The following MOSMO variants were observed in gnomAD, a reference collection of about 807,000 sequenced individuals.
MOSMO encodes the protein modulator of smoothened, also known as modulator of smoothened protein.
Under a neutral mutation model 18.4 loss-of-function variants are expected in MOSMO, and 5 were observed. That is an observed-to-expected ratio of 0.27 (90% confidence interval 0.14 to 0.57). The LOEUF (loss-of-function observed/expected upper bound fraction) is 0.57, where lower values mean the gene tolerates loss of function less well. MOSMO is among the 20% of genes least tolerant of loss of function. The pLI is 0.92. For synonymous variants in MOSMO, 82 were observed against 82.3 expected (o/e 1.00, Z 0.02); for missense variants, 138 against 211.8 (o/e 0.65, Z 2.16).
intron 1 of MOSMO, among the ~76,000 whole-genome samples, chr16:22,041,739 T>C (rs890688963): frequency 2.6e-5 from 4 of 152,054 alleles, no homozygotes; most frequent in African/African-American, 9.7e-5. Context: ...GGGCAGTTGC[T>C]CAGTCATGGC....
At chr16:22,060,711 A>G (rs1900625937) in intron 1 of MOSMO, among the ~76,000 whole-genome samples, 1 of 152,128 alleles carries the variant, frequency 6.6e-6, no homozygotes, top group Non-Finnish European at 1.5e-5. Flanking sequence ...CATCTCTACT[A>G]AAAATACAAA....
At chr16:22,012,021 G>A (rs1899542247) in intron 1 of MOSMO, among the ~76,000 whole-genome samples, 1 of 151,788 alleles carries the variant, frequency 6.6e-6, no homozygotes, top group South Asian at 2.1e-4. Flanking sequence ...AGTGGTGACA[G>A]GTCTAGCTTA....
At chr16:22,014,941 G>A (rs1597994337) in intron 1 of MOSMO, among the ~76,000 whole-genome samples, 1 of 152,012 alleles carries the variant, frequency 6.6e-6, no homozygotes, top group Non-Finnish European at 1.5e-5. Flanking sequence ...GCTTTATTGA[G>A]ATGTAATTCA....
intron 1 of MOSMO, among the ~76,000 whole-genome samples, chr16:22,071,645 A>G (rs1373932393): frequency 6.6e-6 from 1 of 152,190 alleles, no homozygotes; most frequent in East Asian, 1.9e-4. Flanking sequence ...GTTATGCTGC[A>G]CAGGTGAGAT....
intron 1 of MOSMO, among the ~76,000 whole-genome samples, chr16:22,058,506 T>A (rs1333148508): frequency 6.6e-6 from 1 of 151,996 alleles, no homozygotes; most frequent in Non-Finnish European, 1.5e-5. Context: ...AAATGAGTGC[T>A]GAGAATTTAC....
At chr16:22,028,509 T>C (rs1028165846) in intron 1 of MOSMO, among the ~76,000 whole-genome samples, 3 of 152,104 alleles carry the variant, frequency 2.0e-5, no homozygotes, top group Admixed American at 6.5e-5. Flanking sequence ...GCTCTTTTCA[T>C]CTTGCAAAAC....
At chr16:22,066,345 G>A (rs562372641) in intron 1 of MOSMO, among the ~76,000 whole-genome samples, 73 of 152,266 alleles carry the variant, frequency 4.8e-4, no homozygotes, top group Non-Finnish European at 8.5e-4. Flanking sequence ...AGACTGACAG[G>A]CAAACATAAA....
chr16:22,052,380 G>A (rs1226565098), intron 1 of MOSMO, among the ~76,000 whole-genome samples: 1 of 152,206 alleles, frequency 6.6e-6, no homozygotes, highest in Non-Finnish European at 1.5e-5. Flanking sequence ...AATATGTAGA[G>A]CAAGTGGGAC....
intron 1 of MOSMO, among the ~76,000 whole-genome samples, chr16:22,047,511 T>C (rs538794128): frequency 7.9e-5 from 12 of 152,282 alleles, no homozygotes; most frequent in Non-Finnish European, 1.5e-4. Context: ...CCCAAAGTGC[T>C]GGGATTACAG....
chr16:22,050,441 C>T (rs1415835467), intron 1 of MOSMO, among the ~76,000 whole-genome samples: 1 of 152,162 alleles, frequency 6.6e-6, no homozygotes, highest in East Asian at 1.9e-4. Flanking sequence ...CTCCATCTCC[C>T]AGGGACATTT....
chr16:22,057,072 TGAA>T (rs1900552236), intron 1 of MOSMO, among the ~76,000 whole-genome samples: 1 of 152,156 alleles, frequency 6.6e-6, no homozygotes. Context: ...TTCCTTAAAA[TGAA>T]GAATTATCGA....
intron 1 of MOSMO, among the ~76,000 whole-genome samples, chr16:22,056,348 CCCT>C (rs1900533218): frequency 6.8e-6 from 1 of 147,894 alleles, no homozygotes; most frequent in African/African-American, 2.5e-5. Flanking sequence ...TTCCTTTTCT[CCCT>C]CCTTTCTTTC....
intron 1 of MOSMO, among the ~76,000 whole-genome samples, chr16:22,009,836 A>AAAAAAAAAAAAAAG (rs1899485456): frequency 8.2e-6 from 1 of 121,340 alleles, no homozygotes; most frequent in African/African-American, 2.9e-5. Flanking sequence ...AAAAAAAAAA[A>AAAAAAAAAAAAAAG]AGAGAATTAG....
intron 1 of MOSMO, among the ~76,000 whole-genome samples, chr16:22,045,310 T>C (rs1171074190): frequency 6.6e-6 from 1 of 152,192 alleles, no homozygotes; most frequent in Non-Finnish European, 1.5e-5. Context: ...AGTTTGGGTA[T>C]TTTAGAAAAA....
intron 1 of MOSMO, among the ~76,000 whole-genome samples, chr16:22,070,053 T>C (rs1900818663): frequency 6.6e-6 from 1 of 152,136 alleles, no homozygotes; most frequent in Non-Finnish European, 1.5e-5. Flanking sequence ...ATTTGTAAGT[T>C]TGATGGTAGA....
chr16:22,014,126 C>T (rs1369264877), intron 1 of MOSMO, among the ~76,000 whole-genome samples: 1 of 152,138 alleles, frequency 6.6e-6, no homozygotes, highest in Non-Finnish European at 1.5e-5. Flanking sequence ...ACACTTCCAG[C>T]ATGACAGAGG....
At chr16:22,021,321 A>C (rs914712437) in intron 1 of MOSMO, among the ~76,000 whole-genome samples, 1 of 152,134 alleles carries the variant, frequency 6.6e-6, no homozygotes, top group Non-Finnish European at 1.5e-5. Context: ...CTGGGTTCTG[A>C]TTCTGGCTTT....
chr16:22,047,556 T>C (rs1900338282), intron 1 of MOSMO, among the ~76,000 whole-genome samples: 1 of 152,164 alleles, frequency 6.6e-6, no homozygotes, highest in African/African-American at 2.4e-5. Context: ...TGCACCATAA[T>C]TTAACCATTC....
intron 1 of MOSMO, among the ~76,000 whole-genome samples, chr16:22,018,765 A>G (rs1567499542): frequency 1.3e-5 from 2 of 152,208 alleles, no homozygotes; most frequent in Non-Finnish European, 2.9e-5. Flanking sequence ...GGATCAGGCA[A>G]TCAGAGAGGA....
Sources: allele counts gnomAD v4.1 joint callset (sites outside exome capture counted in the v4.1 genomes callset), GRCh38; gene constraint gnomAD v4.1.1; transcripts MANE v1.5; gene names NCBI Gene and HGNC (gene_info 2026-07-23, HGNC 2026-07-21).